Variants in MLLT3 observed in about 807,000 individuals in gnomAD.
The protein encoded by MLLT3 is MLLT3 super elongation complex subunit.
Under a neutral mutation model 53.2 loss-of-function variants are expected in MLLT3, and 4 were observed. The observed-to-expected ratio is 0.08, with a 90% CI of 0.04 to 0.17. The LOEUF (loss-of-function observed/expected upper bound fraction) is 0.17. MLLT3 is among the 10% of genes least tolerant of loss of function. The pLI is 1.00. For missense variants in MLLT3, 569 were observed against 684.0 expected (o/e 0.83, Z 1.87); for synonymous variants, 283 against 230.6 (o/e 1.23, Z -2.06).
At chr9:20,611,088 T>C (rs756012442) in intron 2 of MLLT3, among the ~76,000 whole-genome samples, 1 of 152,178 alleles carries the variant, frequency 6.6e-6, no homozygotes, top group African/African-American at 2.4e-5. Flanking sequence ...TCATTATTCA[T>C]ATTAATGAAG....
intron 4 of MLLT3, among the ~76,000 whole-genome samples, chr9:20,426,051 C>T (rs114782581): frequency 0.022 from 3,402 of 151,982 alleles, 127 homozygotes; most frequent in African/African-American, 0.077. Flanking sequence ...CTATGTTGTA[C>T]GTGCTATAAA....
rs1459103496 is a variant in MLLT3 at position 20,620,536 on chromosome 9, C to G, written c.193+118G>C. 2 of 863,584 alleles carry G rather than the reference C, an allele frequency of 2.3e-6. No individual in the cohort carries two copies. The highest frequency in any genetic ancestry group is 3.1e-6 in the Non-Finnish European group (2 of 643,588). The allele number at this position is 863,584 out of a possible 1,614,324, so 53.5% of individuals were successfully genotyped here. A position where few individuals can be genotyped will look rare whatever the true frequency, so the allele number is the denominator to read the frequency against. ...CGCGCGGCGCCGCGCACCCGGATCC[C>G]GAGGCTACGCCGGCGAGCGCGGCGC... On this transcript the variant is annotated intron_variant, in intron 2 of 10. Transcript: ENST00000380338. This position sits in a 1 kb window ranked among gnomAD's most constrained non-coding sequence, Gnocchi z 6.1.
intron 2 of MLLT3, among the ~76,000 whole-genome samples, chr9:20,482,131 C>T (rs1824677871): frequency 6.6e-6 from 1 of 152,214 alleles, no homozygotes; most frequent in African/African-American, 2.4e-5. Flanking sequence ...ATATTAGTCA[C>T]TCCTGAATTT....
At chr9:20,554,027 T>C (rs1818994034) in intron 2 of MLLT3, among the ~76,000 whole-genome samples, 1 of 152,194 alleles carries the variant, frequency 6.6e-6, no homozygotes, top group African/African-American at 2.4e-5. Flanking sequence ...CCCTTGATAA[T>C]GACTAGTTTC....
chr9:20,541,994 A>G (rs1314608909), intron 2 of MLLT3, among the ~76,000 whole-genome samples: 2 of 152,150 alleles, frequency 1.3e-5, no homozygotes, highest in Non-Finnish European at 2.9e-5. Flanking sequence ...CTAGAATAGT[A>G]TATCTTTTCC....
chr9:20,400,440 G>C (rs1200762937), intron 5 of MLLT3, among the ~76,000 whole-genome samples: 2 of 152,134 alleles, frequency 1.3e-5, no homozygotes, highest in Non-Finnish European at 2.9e-5. Flanking sequence ...CCAGTGGCTA[G>C]ATATTTGATG....
chr9:20,551,100 A>G (rs193132463), intron 2 of MLLT3, among the ~76,000 whole-genome samples: 47 of 152,346 alleles, frequency 3.1e-4, no homozygotes, highest in African/African-American at 1.1e-3. Flanking sequence ...CGGCTGAGGA[A>G]AAAAATACTC....
At chr9:20,528,254 A>G (rs769585582) in intron 2 of MLLT3, among the ~76,000 whole-genome samples, 5 of 152,238 alleles carry the variant, frequency 3.3e-5, no homozygotes, top group Non-Finnish European at 5.9e-5. Context: ...GTGTGTGTTC[A>G]CACAAATACA....
rs34306479 is a variant in MLLT3, at chr9:20,573,722, CA to C, written c.193+46931del. On this transcript the variant is annotated intron_variant, in intron 2 of 10. Coordinates refer to ENST00000380338, the MANE Select transcript of MLLT3 (RefSeq NM_004529.4). ...TAAAATGGAATCATGTTGCTACCTCCAAAAAGGCTTTGAAAAACTGGAACAT... is the reference window on the plus strand; with the variant it reads ...TAAAATGGAATCATGTTGCTACCTCCAAAAGGCTTTGAAAAACTGGAACAT... Among the ~76,000 whole-genome samples, 9 of 152,218 alleles carry C rather than the reference CA, an allele frequency of 5.9e-5. No individual in the cohort carries two copies. In the South Asian group the frequency reaches 1.9e-3, roughly 32 times the overall value.
At chr9:20,376,341 A>G (rs940694124) in intron 5 of MLLT3, among the ~76,000 whole-genome samples, 11 of 152,180 alleles carry the variant, frequency 7.2e-5, no homozygotes, top group Admixed American at 7.2e-4. Flanking sequence ...ATCAAAAGCT[A>G]TTGTTATACC....
chr9:20,374,860 C>T (rs1255441501), intron 5 of MLLT3, among the ~76,000 whole-genome samples: 1 of 152,126 alleles, frequency 6.6e-6, no homozygotes, highest in East Asian at 1.9e-4. Context: ...AAGCCTTAAC[C>T]CCCAGTGTCC....
intron 2 of MLLT3, among the ~76,000 whole-genome samples, chr9:20,614,234 A>T: frequency 6.6e-6 from 1 of 152,148 alleles, no homozygotes; most frequent in East Asian, 1.9e-4. Flanking sequence ...GTCTCTACTA[A>T]AAATACAAAA....
In MLLT3 at chr9:20,479,268, G is replaced by A. The variant is rs371756692; in HGVS notation, c.194-22482C>T. Among the ~76,000 whole-genome samples, 40 of 152,252 alleles carry A rather than the reference G, an allele frequency of 2.6e-4. No homozygotes were observed. The East Asian group carries it at 3.1e-3, about 12-fold the overall frequency. ...TGCTTTCAGGTTTCTTAGGAAAGTT[G>A]TTAACTGTGTACTTGTACCCCAAGG... On this transcript the variant is annotated intron_variant, in intron 2 of 10. Coordinates refer to ENST00000380338, the MANE Select transcript of MLLT3 (RefSeq NM_004529.4).
intron 10 of MLLT3, among the ~76,000 whole-genome samples, chr9:20,352,216 C>G (rs1414805074): frequency 6.6e-6 from 1 of 152,230 alleles, no homozygotes; most frequent in Non-Finnish European, 1.5e-5. Flanking sequence ...TGTCCCAACC[C>G]TGCACAAACA....
chr9:20,436,170 T>A (rs1823397297), intron 4 of MLLT3, among the ~76,000 whole-genome samples: 1 of 152,204 alleles, frequency 6.6e-6, no homozygotes, highest in Non-Finnish European at 1.5e-5. Flanking sequence ...CATATGCTGA[T>A]TAATGTTGCA....
chr9:20,598,172 A>G (rs1820325242), intron 2 of MLLT3, among the ~76,000 whole-genome samples: 1 of 152,240 alleles, frequency 6.6e-6, no homozygotes, highest in South Asian at 2.1e-4. Flanking sequence ...GCAAACCAAC[A>G]TAAAATGCTG....
At chr9:20,587,541 AT>A (rs1337012088) in intron 2 of MLLT3, among the ~76,000 whole-genome samples, 1 of 150,668 alleles carries the variant, frequency 6.6e-6, no homozygotes, top group Non-Finnish European at 1.5e-5. Context: ...AGAAAAAAAA[AT>A]ACTCATTTTA....
chr9:20,501,628 G>A (rs1187848190), intron 2 of MLLT3, among the ~76,000 whole-genome samples: 1 of 152,020 alleles, frequency 6.6e-6, no homozygotes, highest in Non-Finnish European at 1.5e-5. Flanking sequence ...GCGGGCGCCT[G>A]CAGTCCCAGC....
intron 2 of MLLT3, among the ~76,000 whole-genome samples, chr9:20,584,842 T>C (rs957455064): frequency 9.2e-5 from 14 of 152,228 alleles, no homozygotes; most frequent in African/African-American, 3.1e-4. Context: ...CGTAGTTTGA[T>C]AGCTCATTTC....
Sources: gnomAD v4.1 joint callset for allele counts (sites outside exome capture counted in the v4.1 genomes callset) on GRCh38, gnomAD v4.1.1 for gene constraint, Gnocchi (gnomAD v3.1) non-coding constraint, MANE v1.5 for transcripts, NCBI Gene and HGNC (gene_info 2026-07-23, HGNC 2026-07-21) for gene names.